Variants in CMIP observed in about 807,000 individuals in gnomAD.
CMIP encodes C-Maf-inducing protein.
A neutral mutation model predicts 97.3 loss-of-function variants in CMIP; 13 were observed. That is an observed-to-expected ratio of 0.13 (90% CI 0.09 to 0.21). The LOEUF (loss-of-function observed/expected upper bound fraction) is 0.21, where lower values mean the gene tolerates loss of function less well. Among genes scored for constraint, CMIP ranks in the 10% least tolerant of loss-of-function variants. The probability of loss-of-function intolerance (pLI) is 1.00; values close to 1 mark genes in which losing one functional copy is unlikely to be tolerated. For synonymous variants in CMIP, 538 were observed against 436.3 expected, an observed-to-expected ratio of 1.23 and a Z score of -2.91; for missense variants, 847 against 1,024.9, an observed-to-expected ratio of 0.83 and a Z score of 2.37.
intron 10 of CMIP, among the ~76,000 whole-genome samples, chr16:81,681,117 C>T (rs1434282760): frequency 6.6e-6 from 1 of 152,220 alleles, no homozygotes; most frequent in Admixed American, 6.5e-5. Flanking sequence ...CCCGATGGGG[C>T]TACGCAGAGG....
At chr16:81,625,747 C>T (rs1228891646) in intron 3 of CMIP, among the ~76,000 whole-genome samples, 1 of 152,190 alleles carries the variant, frequency 6.6e-6, no homozygotes, top group Non-Finnish European at 1.5e-5. Flanking sequence ...CTAGAGGAGC[C>T]CCGAGAAGCC....
intron 1 of CMIP, among the ~76,000 whole-genome samples, chr16:81,494,920 G>C (rs2089462980): frequency 1.3e-5 from 2 of 152,230 alleles, no homozygotes; most frequent in Non-Finnish European, 2.9e-5. Context: ...TTGGGCACCA[G>C]TATCGCACTT....
At chr16:81,661,033 CA>C in intron 6 of CMIP, 87 bp downstream of exon 6, 5 of 1,529,592 alleles carry the variant, frequency 3.3e-6, no homozygotes, top group Non-Finnish European at 4.5e-6. Context: ...ACAGAAAGGC[CA>C]AAAACCTGGG....
intron 3 of CMIP, among the ~76,000 whole-genome samples, chr16:81,634,692 G>A (rs1328892667): frequency 2.6e-5 from 4 of 152,148 alleles, no homozygotes; most frequent in African/African-American, 9.7e-5. Flanking sequence ...ACTCACATTA[G>A]AGACTTACTG....
chr16:81,707,276 G>A (rs1908254676), intron 20 of CMIP, among the ~76,000 whole-genome samples, 192 bp downstream of exon 20: 1 of 152,222 alleles, frequency 6.6e-6, no homozygotes, highest in Non-Finnish European at 1.5e-5. Flanking sequence ...AAATAGGAAG[G>A]CCTGTGTGGC....
chr16:81,541,083 T>G (rs776779201), intron 1 of CMIP, among the ~76,000 whole-genome samples: 1 of 151,884 alleles, frequency 6.6e-6, no homozygotes, highest in South Asian at 2.1e-4. Context: ...CACAATTCAA[T>G]TATGTACTAT....
chr16:81,608,365 T>C (rs1597141460), intron 2 of CMIP, among the ~76,000 whole-genome samples: 2 of 152,130 alleles, frequency 1.3e-5, no homozygotes, highest in South Asian at 4.1e-4. Context: ...TCTCTCTCCA[T>C]CTCCTGGCTG....
intron 1 of CMIP, chr16:81,518,045 T>C (rs2089949837): frequency 3.0e-6 from 1 of 331,360 alleles, no homozygotes; most frequent in Non-Finnish European, 4.3e-6. Flanking sequence ...GTGTGTGTGC[T>C]GGAAGTGGAG....
At chr16:81,592,064 T>C (rs919404440) in intron 1 of CMIP, among the ~76,000 whole-genome samples, 1 of 152,122 alleles carries the variant, frequency 6.6e-6, no homozygotes, top group Non-Finnish European at 1.5e-5. Flanking sequence ...GCTCAAGTGA[T>C]CCTCCTGCCT....
At chr16:81,695,179 C>A (rs1166739887) in intron 13 of CMIP, among the ~76,000 whole-genome samples, 1 of 152,222 alleles carries the variant, frequency 6.6e-6, no homozygotes, top group African/African-American at 2.4e-5. Context: ...GGTCCCACAC[C>A]CAGGCCCTTG....
chr16:81,480,432 C>T (rs541101334), intron 1 of CMIP, among the ~76,000 whole-genome samples: 2 of 152,314 alleles, frequency 1.3e-5, no homozygotes, highest in Admixed American at 1.3e-4. Flanking sequence ...CCTAGCTACT[C>T]AGGAGGCTGA....
At chr16:81,460,515 G>C (rs1017180652) in intron 1 of CMIP, among the ~76,000 whole-genome samples, 2 of 152,154 alleles carry the variant, frequency 1.3e-5, no homozygotes, top group Non-Finnish European at 1.5e-5. Context: ...AAGTCCTGTG[G>C]CCCAGGAAGC....
intron 4 of CMIP, among the ~76,000 whole-genome samples, 184 bp from the exon 5 acceptor site, chr16:81,657,591 T>C (rs144373383): frequency 6.6e-6 from 1 of 152,036 alleles, no homozygotes; most frequent in African/African-American, 2.4e-5. Context: ...AACCATACCT[T>C]CTCCCCCTTC....
At chr16:81,467,890 T>TG (rs1196877475) in intron 1 of CMIP, among the ~76,000 whole-genome samples, 2 of 150,102 alleles carry the variant, frequency 1.3e-5, no homozygotes, top group Non-Finnish European at 3.0e-5. Flanking sequence ...CTTCTTTTTT[T>TG]TTTTTTTTTT....
chr16:81,570,733 GCT>G (rs1567585987), intron 1 of CMIP, among the ~76,000 whole-genome samples: 1 of 152,192 alleles, frequency 6.6e-6, no homozygotes, highest in African/African-American at 2.4e-5. Flanking sequence ...AGACGCCGGT[GCT>G]CTGTCTCTAG....
At chr16:81,557,257 A>G (rs1039354336) in intron 1 of CMIP, among the ~76,000 whole-genome samples, 1 of 152,242 alleles carries the variant, frequency 6.6e-6, no homozygotes, top group Non-Finnish European at 1.5e-5. Context: ...GGCCAAGGCC[A>G]TGTCAATGCC....
chr16:81,701,652 C>A lies in CMIP; in HGVS notation c.1756-8C>A, dbSNP rs565195192. ...GGGTCCGTAATGCACCCCTGCGGTT[C>A]TGGACAGATCCTGTGCTTGATGCTG... On this transcript the variant is annotated splice_polypyrimidine_tract_variant and splice_region_variant and intron_variant, in intron 15 of 20. Transcript: ENST00000537098. The A allele has an allele frequency of 9.9e-6, 16 of 1,613,832 alleles. No individual in the cohort carries two copies. In the East Asian group the frequency reaches 2.7e-4, roughly 27 times the overall value.
intron 1 of CMIP, chr16:81,517,817 G>A (rs1468965456): frequency 2.2e-5 from 7 of 316,240 alleles, no homozygotes; most frequent in Admixed American, 6.5e-5. Flanking sequence ...CGGGAATGCC[G>A]TTTTTGGAGT....
At chr16:81,476,680 A>C (rs963912701) in intron 1 of CMIP, among the ~76,000 whole-genome samples, 1 of 152,196 alleles carries the variant, frequency 6.6e-6, no homozygotes, top group South Asian at 2.1e-4. Context: ...TTGTATGAAG[A>C]AGCCGTGGCA....
Sources: gnomAD v4.1 joint callset for allele counts (sites outside exome capture counted in the v4.1 genomes callset) on GRCh38, gnomAD v4.1.1 for gene constraint, MANE v1.5 for transcripts, NCBI Gene and HGNC (gene_info 2026-07-23, HGNC 2026-07-21) for gene names.